The following EXOC3 variants were observed in gnomAD, a reference collection of about 807,000 sequenced individuals.
EXOC3 encodes exocyst complex component 3, also known as SEC6-like 1.
EXOC3 carries 21 observed loss-of-function variants against 73.7 expected under a neutral mutation model. The ratio of observed to expected loss-of-function variants is 0.29; its 90% confidence interval spans 0.20 to 0.41. The LOEUF is 0.41. EXOC3 is among the 10% of genes least tolerant of loss of function. EXOC3 has a pLI of 1.00. For synonymous variants in EXOC3, 410 were observed against 389.1 expected, an observed-to-expected ratio of 1.05 and a Z score of -0.63; for missense variants, 842 against 985.1, an observed-to-expected ratio of 0.85 and a Z score of 1.95.
chr5:444,025 C>G (rs906785109), intron 1 of EXOC3, among the ~76,000 whole-genome samples: 1 of 152,078 alleles, frequency 6.6e-6, no homozygotes, highest in East Asian at 1.9e-4. Flanking sequence ...GCAGGCGTCC[C>G]CCCGGTAAAG....
chr5:456,660 C>A (rs1223311111), intron 4 of EXOC3, among the ~76,000 whole-genome samples: 2 of 152,080 alleles, frequency 1.3e-5, no homozygotes, highest in South Asian at 4.2e-4. Flanking sequence ...CTGCACTTTC[C>A]CCGGTTGGAG....
At chr5:450,341 G>C (rs1300887391) in intron 3 of EXOC3, among the ~76,000 whole-genome samples, 2 of 152,212 alleles carry the variant, frequency 1.3e-5, no homozygotes, top group African/African-American at 2.4e-5. Context: ...ACAAATTGGT[G>C]AATTTTACAG....
chr5:459,517 C>A, intron 7 of EXOC3, 58 bp downstream of exon 7: 2 of 997,546 alleles, frequency 2.0e-6, no homozygotes, highest in African/African-American at 1.7e-5. Context: ...AAATTAGAAG[C>A]AAAAATTTTT....
chr5:451,619 C>T (rs940426968), intron 3 of EXOC3, among the ~76,000 whole-genome samples: 5 of 152,252 alleles, frequency 3.3e-5, no homozygotes, highest in South Asian at 4.1e-4. Flanking sequence ...CTAGATTTTA[C>T]GATTGTCCAT....
rs750060046 is a variant in EXOC3 at position 466,711 on chromosome 5, A to G, written c.2067-16A>G. 1.2e-6 allele frequency: 2 copies of G among 1,606,002 alleles called. No individual in the cohort carries two copies. Among genetic ancestry groups the G allele is most frequent in the South Asian group, 1.1e-5 (1 of 90,464 alleles). On this transcript the variant is annotated splice_polypyrimidine_tract_variant and intron_variant, in intron 12 of 12. Coordinates refer to ENST00000512944, the MANE Select transcript of EXOC3 (RefSeq NM_007277.5). ...GGCTGCTAAGTGGGCATGGGCTGAC[A>G]TCTCCCCATCCCCAGGGATGACCAC...
intron 10 of EXOC3, 166 bp from the exon 11 acceptor site, chr5:464,945 G>T (rs746586759): frequency 2.8e-6 from 2 of 713,252 alleles, no homozygotes; most frequent in East Asian, 2.8e-5. Flanking sequence ...CCCCCACTGA[G>T]CCCCCGCTCC....
At position 453,446 on chromosome 5, in the gene EXOC3, C is replaced by T. The variant is rs777228376; in HGVS notation, c.441C>T (p.Asp147=). The T allele has an allele frequency of 3.7e-6, 6 of 1,611,484 alleles. No individual in the cohort carries two copies. The highest frequency in any genetic ancestry group is 1.1e-5 in the South Asian group (1 of 90,610). The change falls in exon 4 of 13, where the codon GAC becomes GAT. Residue 147 remains aspartate, a synonymous_variant. Transcript: ENST00000512944. ...TGCAAGCCCACCGGAAGCTGATGGACCTGGAGTGCTCCCGGGACGGGCTGA... is the reference window on the plus strand; with the variant it reads ...TGCAAGCCCACCGGAAGCTGATGGATCTGGAGTGCTCCCGGGACGGGCTGA... The part of the protein sequence containing the change: ...ALLQAHRKLM[D]LECSRDGLMY...
chr5:454,869 T>TG (rs1553991819), intron 4 of EXOC3, among the ~76,000 whole-genome samples: 3,374 of 35,192 alleles, frequency 0.096, 75 homozygotes, highest in African/African-American at 0.29. Context: ...ATAAACCTCA[T>TG]TTTTTTTTTT....
chr5:461,979 C>A lies in EXOC3; in HGVS notation c.1411C>A (p.Leu471Met). Residue 471 changes from leucine (L) to methionine (M), a missense_variant, in exon 8 of 13, where the codon CTG becomes ATG. Transcript: ENST00000512944. Reference sequence around the variant, plus strand: ...CCTCAGATATAAAGATGAAGCGCAGCTGTATAAAGAAGAGCACCTGAGGAA... The same window carrying A: ...CCTCAGATATAAAGATGAAGCGCAGATGTATAAAGAAGAGCACCTGAGGAA... ...FLSRYKDEAQ[L>M]YKEEHLRNRQ... 6.3e-7 allele frequency: 1 copy of A among 1,596,240 alleles called. No individual in the cohort carries two copies. The highest frequency in any genetic ancestry group is 1.1e-5 in the South Asian group (1 of 88,454).
At chr5:458,742 G>A (rs116686171) in intron 6 of EXOC3, among the ~76,000 whole-genome samples, 136 of 152,304 alleles carry the variant, frequency 8.9e-4, no homozygotes, top group African/African-American at 3.1e-3. Context: ...CATTGCTGAG[G>A]GATGGAGCCC....
At chr5:462,394 A>C in intron 9 of EXOC3, 87 bp downstream of exon 9, 1 of 1,477,784 alleles carries the variant, frequency 6.8e-7, no homozygotes, top group Non-Finnish European at 9.4e-7. Context: ...TGTGAACTGT[A>C]CCGTGCGGAT....
intron 9 of EXOC3, among the ~76,000 whole-genome samples, chr5:462,933 C>G (rs1738031950): frequency 1.3e-5 from 2 of 152,254 alleles, no homozygotes; most frequent in South Asian, 4.2e-4. Flanking sequence ...TGGAGAAACC[C>G]CATCTCTACT....
At chr5:455,881 G>A (rs981387400) in intron 4 of EXOC3, among the ~76,000 whole-genome samples, 14 of 152,240 alleles carry the variant, frequency 9.2e-5, no homozygotes, top group African/African-American at 3.4e-4. Context: ...TGGGATTACA[G>A]GCGTGAGCCA....
At chr5:455,581 A>G (rs2672734) in intron 4 of EXOC3, among the ~76,000 whole-genome samples, 70,590 of 151,918 alleles carry the variant, frequency 0.46, 17,422 homozygotes, top group African/African-American at 0.64. Context: ...CTGAGAACGT[A>G]TTTACGGAAC....
rs750699672 is a variant in EXOC3 at position 465,269 on chromosome 5, G to A, written c.1935G>A (p.Ala645=). Residue 645 remains alanine (A), a synonymous_variant, in exon 11 of 13, where the codon GCG becomes GCA. Transcript: ENST00000512944. ...TGCGCTTCCTGTTCCGGAAGCTGGC[G>A]TCCGTGAGTGTCGCGCAGGTCCGGG... The part of the protein sequence containing the change: ...EQLRFLFRKL[A]SGFGEDVDGY... The A allele has an allele frequency of 1.9e-6, 3 of 1,578,240 alleles. No homozygotes were observed. The highest frequency in any genetic ancestry group is 2.7e-5 in the African/African-American group (2 of 74,164).
intron 1 of EXOC3, among the ~76,000 whole-genome samples, chr5:445,461 T>TGCCTCAGCCTCCC (rs1341040422): frequency 1.3e-5 from 2 of 151,544 alleles, no homozygotes; most frequent in Non-Finnish European, 2.9e-5. Context: ...GCCAGTCTCC[T>TGCCTCAGCCTCCC]GCCTCAGCCT....
chr5:463,526 A>G (rs1055536602), intron 9 of EXOC3, among the ~76,000 whole-genome samples: 1 of 152,170 alleles, frequency 6.6e-6, no homozygotes, highest in Non-Finnish European at 1.5e-5. Context: ...AGGGTGTGGG[A>G]AAAAGGGGCT....
At chr5:447,894 T>C (rs1325505874) in intron 3 of EXOC3, 142 bp downstream of exon 3, 2 of 622,632 alleles carry the variant, frequency 3.2e-6, no homozygotes, top group Non-Finnish European at 5.6e-6. Flanking sequence ...TCAGCGTCTT[T>C]TTTTGAACGT....
Position 464,409 on chromosome 5 carries a change from GAAGGT to G in EXOC3, c.1776+1_1776+5del. ...TTGCCAAAATTAAAAAGCCGTATAA[GAAGGT>G]AAGAAGGTGGGACCTAGTTCCCTCA... On this transcript the variant is annotated splice_donor_variant and coding_sequence_variant, in exon 10 of 13. Coordinates refer to ENST00000512944, the MANE Select transcript of EXOC3 (RefSeq NM_007277.5). LOFTEE classifies it high-confidence loss of function. 6.2e-7 allele frequency: 1 copy of G among 1,613,396 alleles called. No individual in the cohort carries two copies. Among genetic ancestry groups the G allele is most frequent in the Non-Finnish European group, 8.5e-7 (1 of 1,179,504 alleles).
Sources: allele counts gnomAD v4.1 joint callset (sites outside exome capture counted in the v4.1 genomes callset), GRCh38; gene constraint gnomAD v4.1.1; transcripts MANE v1.5; gene names NCBI Gene and HGNC (gene_info 2026-07-23, HGNC 2026-07-21).